The following JPH3 variants were observed in gnomAD, a reference collection of about 807,000 sequenced individuals.
JPH3 encodes the protein junctophilin 3, also known as junctophilin-3.
JPH3 carries 11 observed loss-of-function variants against 59.6 expected under a neutral mutation model. The ratio of observed to expected loss-of-function variants is 0.18; its 90% confidence interval spans 0.12 to 0.31. The LOEUF (loss-of-function observed/expected upper bound fraction) is 0.31, where lower values mean the gene tolerates loss of function less well. JPH3 is among the 10% of genes least tolerant of loss of function. The pLI is 1.00. For synonymous variants in JPH3, 673 were observed against 483.6 expected, an observed-to-expected ratio of 1.39 and a Z score of -5.14; for missense variants, 1,202 against 1,105.7, an observed-to-expected ratio of 1.09 and a Z score of -1.24.
rs758799185 is a variant in JPH3 at position 87,684,127 on chromosome 16, C to T, written c.1161-15C>T. On this transcript the variant is annotated splice_polypyrimidine_tract_variant and intron_variant, in intron 2 of 4. Transcript: ENST00000284262. ...GCCCCCTGCCCCCCCTCACGCTCCT[C>T]CCTGTCTCCCCCAGGACCTCCCACT... The T allele has an allele frequency of 6.2e-7, 1 of 1,612,114 alleles. No homozygotes were observed. Among genetic ancestry groups the T allele is most frequent in the Non-Finnish European group, 8.5e-7 (1 of 1,178,952 alleles).
Position 87,674,203 on chromosome 16 carries a change from G to A in JPH3, c.1161-9939G>A, listed in dbSNP as rs566837063. Among the ~76,000 whole-genome samples the A allele has an allele frequency of 5.3e-5, 8 of 152,148 alleles. No homozygotes were observed. The East Asian group carries it at 5.8e-4, about 11-fold the overall frequency. Reference sequence around the variant, plus strand: ...CAAAAAATTAGCCAGGCGTGGTGGCGGGCGCCTGTAGTCCCAGCTACTCGG... The same window carrying A: ...CAAAAAATTAGCCAGGCGTGGTGGCAGGCGCCTGTAGTCCCAGCTACTCGG... On this transcript the variant is annotated intron_variant, in intron 2 of 4. Coordinates refer to ENST00000284262, the MANE Select transcript of JPH3 (RefSeq NM_020655.4).
chr16:87,687,997 G>A (rs1331362105), intron 3 of JPH3, among the ~76,000 whole-genome samples: 1 of 152,198 alleles, frequency 6.6e-6, no homozygotes, highest in Non-Finnish European at 1.5e-5. Flanking sequence ...ATGGGGCCAG[G>A]GCTGCCCTCC....
At chr16:87,660,911 C>T (rs1041737524) in intron 2 of JPH3, among the ~76,000 whole-genome samples, 39 of 152,200 alleles carry the variant, frequency 2.6e-4, no homozygotes, top group Middle Eastern at 3.2e-3. Context: ...CTCATCTGTC[C>T]AGTGGAATGA....
intron 1 of JPH3, among the ~76,000 whole-genome samples, chr16:87,624,522 G>A (rs1283197886): frequency 3.9e-5 from 6 of 152,236 alleles, no homozygotes; most frequent in Non-Finnish European, 8.8e-5. Context: ...ATTCCACTGC[G>A]GGGCACCGCG....
chr16:87,623,855 G>A (rs2063119316), intron 1 of JPH3, among the ~76,000 whole-genome samples: 1 of 152,244 alleles, frequency 6.6e-6, no homozygotes, highest in East Asian at 1.9e-4. Flanking sequence ...CAGCTGTGGG[G>A]TCCCCCGAGG....
At chr16:87,617,507 C>T (rs1291821040) in intron 1 of JPH3, among the ~76,000 whole-genome samples, 1 of 151,930 alleles carries the variant, frequency 6.6e-6, no homozygotes, top group Non-Finnish European at 1.5e-5. Context: ...CGTGGTCACT[C>T]TGGTGCTGGC....
At chr16:87,680,922 G>A (rs2033273155) in intron 2 of JPH3, among the ~76,000 whole-genome samples, 2 of 152,116 alleles carry the variant, frequency 1.3e-5, no homozygotes, top group African/African-American at 4.8e-5. Context: ...CAAAGATGTG[G>A]GAACCAAATG....
chr16:87,623,182 G>C (rs1202183292), intron 1 of JPH3, among the ~76,000 whole-genome samples: 2 of 152,236 alleles, frequency 1.3e-5, no homozygotes, highest in African/African-American at 4.8e-5. Context: ...CTGGTCTCCT[G>C]GGAGCTGTGT....
chr16:87,686,162 G>A (rs1220827193), intron 3 of JPH3, among the ~76,000 whole-genome samples: 3 of 152,216 alleles, frequency 2.0e-5, no homozygotes, highest in Non-Finnish European at 4.4e-5. Flanking sequence ...TGCCTTTTGG[G>A]TGTTTCTACC....
chr16:87,662,239 C>T (rs775745113), intron 2 of JPH3, among the ~76,000 whole-genome samples: 12 of 152,112 alleles, frequency 7.9e-5, no homozygotes, highest in Non-Finnish European at 1.5e-4. Flanking sequence ...CCTACGCTGC[C>T]GAGATAGCAG....
Position 87,644,974 on chromosome 16 carries a change from G to A in JPH3, c.1099G>A (p.Val367Ile), listed in dbSNP as rs147884034. 343 of 1,610,200 alleles carry A rather than the reference G, an allele frequency of 2.1e-4. 3 individuals are homozygous for A. The highest frequency in any genetic ancestry group is 1.3e-3 in the South Asian group (120 of 91,058). ...SKIREKVDRA[V>I]EAAERAATIA... ...GATCCGCGAGAAGGTGGACCGCGCC[G>A]TTGAGGCCGCTGAGCGGGCCGCCAC... The change falls in exon 2 of 5, where the codon GTT becomes ATT. Residue 367 changes from valine to isoleucine, a missense_variant. Val to Ile is a conservative substitution (Grantham distance 29). Coordinates refer to ENST00000284262, the MANE Select transcript of JPH3 (RefSeq NM_020655.4).
At chr16:87,645,930 C>T (rs1488066593) in intron 2 of JPH3, among the ~76,000 whole-genome samples, 1 of 152,214 alleles carries the variant, frequency 6.6e-6, no homozygotes, top group Admixed American at 6.5e-5. Context: ...TTTGTCAAGA[C>T]TTGGGAAGGC....
At position 87,644,629 on chromosome 16, in the gene JPH3, ACCGT is replaced by A; in HGVS notation, c.756_759del (p.Val253AlafsTer49). On this transcript the variant is annotated frameshift_variant, in exon 2 of 5. Coordinates refer to ENST00000284262, the MANE Select transcript of JPH3 (RefSeq NM_020655.4). LOFTEE classifies it high-confidence loss of function. ...CTTTCGCAGCGAGGCGGGCATGAGC[ACCGT>A]CAGCTCCACGGCCAGCGACATCCAC... The A allele has an allele frequency of 6.2e-7, 1 of 1,612,302 alleles. No individual in the cohort carries two copies. The highest frequency in any genetic ancestry group is 8.5e-7 in the Non-Finnish European group (1 of 1,179,880).
chr16:87,611,788 C>T lies in JPH3; in HGVS notation c.382+8260C>T, dbSNP rs1026281016. On this transcript the variant is annotated intron_variant, in intron 1 of 4. Coordinates refer to ENST00000284262, the MANE Select transcript of JPH3 (RefSeq NM_020655.4). The surrounding 1 kb of genome is among the most constrained non-coding windows in gnomAD (Gnocchi z 4.5). ...ATTTATATTTCTTACAAATTTCAGG[C>T]GATGCTGAGGCTGCTGATCTGGGGA... Among the ~76,000 whole-genome samples the T allele has an allele frequency of 2.6e-5, 4 of 152,326 alleles. No individual in the cohort carries two copies. Among genetic ancestry groups the T allele is most frequent in the East Asian group, 1.9e-4 (1 of 5,178 alleles).
chr16:87,641,993 G>A (rs950126024), intron 1 of JPH3, among the ~76,000 whole-genome samples: 3 of 152,216 alleles, frequency 2.0e-5, no homozygotes, highest in Admixed American at 6.5e-5. Flanking sequence ...GGAGGGGTGG[G>A]GCTGGCTTGG....
At chr16:87,676,165 T>G (rs1025174290) in intron 2 of JPH3, among the ~76,000 whole-genome samples, 2 of 152,236 alleles carry the variant, frequency 1.3e-5, no homozygotes, top group African/African-American at 4.8e-5. Flanking sequence ...CGTGTGGCCA[T>G]GGAAATGTGC....
chr16:87,606,644 C>T (rs2030532247), intron 1 of JPH3, among the ~76,000 whole-genome samples: 1 of 152,188 alleles, frequency 6.6e-6, no homozygotes, highest in Non-Finnish European at 1.5e-5. Flanking sequence ...GATAACAATA[C>T]CTGTAAGGTG....
intron 4 of JPH3, among the ~76,000 whole-genome samples, chr16:87,692,901 C>T (rs2033639148): frequency 6.6e-6 from 1 of 152,216 alleles, no homozygotes; most frequent in East Asian, 1.9e-4. Context: ...TGCCACTGAC[C>T]ACCCCACTCT....
chr16:87,659,655 C>A (rs184091037), intron 2 of JPH3, among the ~76,000 whole-genome samples: 3 of 151,860 alleles, frequency 2.0e-5, no homozygotes, highest in African/African-American at 7.3e-5. Context: ...ATTGCTTGAA[C>A]GCAGGAGACG....
Sources: allele counts gnomAD v4.1 joint callset (sites outside exome capture counted in the v4.1 genomes callset), GRCh38; gene constraint gnomAD v4.1.1; non-coding constraint Gnocchi (gnomAD v3.1); transcripts MANE v1.5; gene names NCBI Gene and HGNC (gene_info 2026-07-23, HGNC 2026-07-21).